Variants in MMP26 observed in about 807,000 individuals in gnomAD.
The protein encoded by MMP26 is matrix metallopeptidase 26, also known as matrix metalloproteinase-26.
In MMP26, 33 loss-of-function variants were observed where a neutral mutation model predicts 31.0. The ratio of observed to expected loss-of-function variants is 1.06; its 90% confidence interval spans 0.81 to 1.42. MMP26 has a LOEUF of 1.42. MMP26 is among the 40% of genes most tolerant of loss of function. The probability of loss-of-function intolerance (pLI) is 0.00; values close to 1 mark genes in which losing one functional copy is unlikely to be tolerated. For synonymous variants in MMP26, 122 were observed against 114.9 expected (o/e 1.06, Z -0.40); for missense variants, 347 against 316.1 (o/e 1.10, Z -0.74).
chr11:4,841,965 C>T (rs574154795), intron 2 of MMP26, among the ~76,000 whole-genome samples: 34 of 152,116 alleles, frequency 2.2e-4, no homozygotes, highest in African/African-American at 7.7e-4. Context: ...AAGAACAGGA[C>T]ATTAATGAGC....
intron 2 of MMP26, among the ~76,000 whole-genome samples, chr11:4,902,913 T>G (rs955358661): frequency 1.3e-5 from 2 of 152,052 alleles, no homozygotes; most frequent in Non-Finnish European, 2.9e-5. Flanking sequence ...TTGTGTCTTT[T>G]ATATTATTAT....
At chr11:4,928,665 A>G (rs1170448661) in intron 2 of MMP26, among the ~76,000 whole-genome samples, 1 of 151,784 alleles carries the variant, frequency 6.6e-6, no homozygotes, top group Non-Finnish European at 1.5e-5. Context: ...ATTTTTTTTC[A>G]CGTAAGTCTT....
chr11:4,735,055 G>A (rs59776930), intron 1 of MMP26, among the ~76,000 whole-genome samples: 4,647 of 152,230 alleles, frequency 0.031, 234 homozygotes, highest in African/African-American at 0.1. Context: ...TTGGTGGTCT[G>A]GACTGAGAAC....
At chr11:4,716,237 G>C (rs1007672218) in intron 1 of MMP26, among the ~76,000 whole-genome samples, 2 of 152,170 alleles carry the variant, frequency 1.3e-5, no homozygotes, top group African/African-American at 4.8e-5. Context: ...TCAACCGTGC[G>C]AGATCCTGAG....
At chr11:4,988,430 T>G in intron 3 of MMP26, 120 bp downstream of exon 3, 2 of 784,684 alleles carry the variant, frequency 2.5e-6, no homozygotes, top group Non-Finnish European at 4.5e-6. Flanking sequence ...ATATTACACA[T>G]GAAAACATTT....
intron 2 of MMP26, among the ~76,000 whole-genome samples, chr11:4,888,244 A>C (rs1850569819): frequency 6.6e-6 from 1 of 152,170 alleles, no homozygotes; most frequent in Non-Finnish European, 1.5e-5. Flanking sequence ...ACTACTAAGT[A>C]CTCACAAGTA....
chr11:4,711,850 A>G (rs1350610137), intron 1 of MMP26: 1 of 152,150 alleles, frequency 6.6e-6, no homozygotes, highest in Non-Finnish European at 1.5e-5. Flanking sequence ...GATGAATTAT[A>G]TATATTTCTG....
chr11:4,753,184 C>G (rs995249087), intron 1 of MMP26, among the ~76,000 whole-genome samples: 4 of 152,070 alleles, frequency 2.6e-5, no homozygotes, highest in African/African-American at 9.7e-5. Context: ...CAGAAGACCT[C>G]TTAATGCCAC....
chr11:4,746,525 G>A (rs910528868), intron 1 of MMP26, among the ~76,000 whole-genome samples: 1 of 152,082 alleles, frequency 6.6e-6, no homozygotes, highest in African/African-American at 2.4e-5. Flanking sequence ...AATACATGCT[G>A]TTGTTAAAGA....
chr11:4,930,574 A>G (rs1436497320), intron 2 of MMP26, among the ~76,000 whole-genome samples: 2 of 152,098 alleles, frequency 1.3e-5, no homozygotes, highest in African/African-American at 4.8e-5. Context: ...TCTACTGCAC[A>G]CATATAAAGA....
intron 2 of MMP26, among the ~76,000 whole-genome samples, chr11:4,773,177 G>A (rs916053691): frequency 3.3e-5 from 5 of 152,102 alleles, no homozygotes; most frequent in Admixed American, 2.0e-4. Context: ...TACCTTCTTG[G>A]ACTCAGCCCA....
chr11:4,865,811 TC>T (rs1022517018), intron 2 of MMP26, among the ~76,000 whole-genome samples: 4 of 152,108 alleles, frequency 2.6e-5, no homozygotes, highest in African/African-American at 9.7e-5. Flanking sequence ...AGAAGCGCCA[TC>T]CACAGTTTTA....
rs1848864255 is a variant in MMP26 at position 4,781,601 on chromosome 11, A to AAAAAAAC, written c.-145+14261_-145+14267dup. The stretch of plus-strand genomic sequence containing the variant: ...AAAAAAAAAAAAAAAAAAAAAAAAA[A>AAAAAAAC]AAAAAACTGATTGCATAATCAAGTA... On this transcript the variant is annotated intron_variant, in intron 2 of 7. Transcript: ENST00000380390. Among the ~76,000 whole-genome samples the AAAAAAAC allele has an allele frequency of 1.4e-4, 9 of 64,970 alleles. 3 individuals carry two copies. Among genetic ancestry groups the AAAAAAAC allele is most frequent in the African/African-American group, 1.0e-3 (8 of 8,014 alleles). 42.6% of individuals were successfully genotyped at this position (64,970 alleles called of 152,430 possible).
intron 2 of MMP26, chr11:4,848,932 C>A (rs148053298): frequency 1.1e-5 from 18 of 1,613,716 alleles, no homozygotes; most frequent in East Asian, 2.2e-5. Context: ...CCAGCAAGGG[C>A]GATGCCCAGC....
chr11:4,880,943 C>T (rs940959372), intron 2 of MMP26, among the ~76,000 whole-genome samples: 34 of 152,078 alleles, frequency 2.2e-4, no homozygotes, highest in African/African-American at 7.2e-4. Context: ...ACCTTTGGGT[C>T]ACTCTGTTAT....
intron 2 of MMP26, among the ~76,000 whole-genome samples, chr11:4,782,631 C>T (rs181109979): frequency 2.7e-5 from 4 of 148,424 alleles, no homozygotes; most frequent in African/African-American, 1.0e-4. Flanking sequence ...AATGTTAATT[C>T]CCAAGACAAC....
intron 1 of MMP26, chr11:4,723,636 G>C: frequency 1.1e-6 from 1 of 870,762 alleles, no homozygotes; most frequent in South Asian, 1.3e-5. Flanking sequence ...CACACTTATT[G>C]ATCTCATCCT....
intron 2 of MMP26, among the ~76,000 whole-genome samples, chr11:4,873,216 C>G (rs1285374029): frequency 6.6e-6 from 1 of 152,028 alleles, no homozygotes; most frequent in African/African-American, 2.4e-5. Flanking sequence ...AAGGTCTGTG[C>G]TGGTCTCTTG....
At chr11:4,808,088 A>T (rs1253789156) in intron 2 of MMP26, among the ~76,000 whole-genome samples, 1 of 152,156 alleles carries the variant, frequency 6.6e-6, no homozygotes, top group Non-Finnish European at 1.5e-5. Context: ...TTAAAGACAT[A>T]TGCCACTATG....
Sources: allele counts gnomAD v4.1 joint callset (sites outside exome capture counted in the v4.1 genomes callset), GRCh38; gene constraint gnomAD v4.1.1; transcripts MANE v1.5; gene names NCBI Gene and HGNC (gene_info 2026-07-23, HGNC 2026-07-21).